Variants in DLGAP2 observed in about 807,000 individuals in gnomAD.
DLGAP2 encodes the protein DLG associated protein 2.
A neutral mutation model predicts 100.3 loss-of-function variants in DLGAP2; 26 were observed. The ratio of observed to expected loss-of-function variants is 0.26; its 90% CI spans 0.19 to 0.36. DLGAP2 has a LOEUF of 0.36. Ranked by LOEUF, DLGAP2 falls within the 10% of genes least tolerant of loss-of-function variation. The pLI is 1.00. For synonymous variants in DLGAP2, 886 were observed against 630.1 expected, an observed-to-expected ratio of 1.41 and a Z score of -6.08; for missense variants, 1,858 against 1,453.2, an observed-to-expected ratio of 1.28 and a Z score of -4.53.
chr8:832,263 G>C (rs916933695), intron 1 of DLGAP2, among the ~76,000 whole-genome samples: 2 of 152,164 alleles, frequency 1.3e-5, no homozygotes, highest in Admixed American at 1.3e-4. Context: ...ATTGCTTTTG[G>C]TGTTTTAGTC....
intron 1 of DLGAP2, among the ~76,000 whole-genome samples, chr8:899,803 A>G (rs766057229): frequency 6.6e-6 from 1 of 152,220 alleles, no homozygotes; most frequent in Admixed American, 6.5e-5. Context: ...TCTCAGGCTC[A>G]TGTGGCTGGA....
At chr8:1,633,515 A>G (rs1318759099) in intron 8 of DLGAP2, among the ~76,000 whole-genome samples, 1 of 152,200 alleles carries the variant, frequency 6.6e-6, no homozygotes, top group Non-Finnish European at 1.5e-5. Flanking sequence ...ATGCAGATGC[A>G]CTAACTATCT....
At chr8:1,364,729 A>G (rs1802070204) in intron 3 of DLGAP2, among the ~76,000 whole-genome samples, 1 of 152,204 alleles carries the variant, frequency 6.6e-6, no homozygotes, top group Admixed American at 6.5e-5. Flanking sequence ...ACAGGCCCGA[A>G]CTCAGCCAGA....
At chr8:1,573,465 G>A (rs1473804824) in intron 6 of DLGAP2, among the ~76,000 whole-genome samples, 1 of 152,024 alleles carries the variant, frequency 6.6e-6, no homozygotes, top group Non-Finnish European at 1.5e-5. Flanking sequence ...TAATGGGATT[G>A]AGAAGACAGA....
intron 7 of DLGAP2, among the ~76,000 whole-genome samples, chr8:1,630,140 G>C (rs1231886333): frequency 1.4e-5 from 2 of 147,716 alleles, no homozygotes; most frequent in Admixed American, 6.8e-5. Flanking sequence ...GAATTCTCAG[G>C]AAAAAAAAAA....
rs190521215 is a variant in DLGAP2 at position 1,079,477 on chromosome 8, C to T, written c.73+171511C>T. Among the ~76,000 whole-genome samples the T allele has an allele frequency of 1.7e-3, 257 of 152,244 alleles. 1 individual carries two copies. Among genetic ancestry groups the T allele is most frequent in the African/African-American group, 6.0e-3 (249 of 41,530 alleles). ...TCAGATTAGCAGCCTTTATTGGTTGCTTACTGAGAAACAGATGGTATCTTA... is the reference window on the plus strand; with the variant it reads ...TCAGATTAGCAGCCTTTATTGGTTGTTTACTGAGAAACAGATGGTATCTTA... On this transcript the variant is annotated intron_variant, in intron 2 of 14. Coordinates refer to ENST00000637795, the MANE Select transcript of DLGAP2 (RefSeq NM_001346810.2).
intron 2 of DLGAP2, among the ~76,000 whole-genome samples, chr8:940,839 A>G (rs1463097056): frequency 1.3e-5 from 2 of 152,216 alleles, no homozygotes; most frequent in Non-Finnish European, 2.9e-5. Flanking sequence ...CACCTCACTG[A>G]GGTCTCTGCT....
chr8:964,952 C>T (rs1014921805), intron 2 of DLGAP2, among the ~76,000 whole-genome samples: 4 of 151,970 alleles, frequency 2.6e-5, no homozygotes, highest in Non-Finnish European at 4.4e-5. Context: ...ACCGCACACA[C>T]GGCTCCTGAG....
intron 1 of DLGAP2, among the ~76,000 whole-genome samples, chr8:860,869 A>C (rs1358596783): frequency 6.6e-6 from 1 of 152,186 alleles, no homozygotes; most frequent in African/African-American, 2.4e-5. Context: ...CATGACGCCT[A>C]TGAAGAAATG....
rs865791635 is a variant in DLGAP2, at chr8:915,512, A to G, written c.73+7546A>G. Among the ~76,000 whole-genome samples the G allele has an allele frequency of 2.6e-5, 4 of 151,188 alleles. No homozygotes were observed. In the South Asian group the frequency reaches 6.3e-4, roughly 24 times the overall value. On this transcript the variant is annotated intron_variant, in intron 2 of 14. Transcript: ENST00000637795. ...CAGTGAGCCGAGATCGCACCACTGC[A>G]CTCCAGCCTGGGCGACAGAGCAAGA...
intron 1 of DLGAP2, among the ~76,000 whole-genome samples, chr8:747,046 C>G (rs541597270): frequency 1.1e-4 from 17 of 151,972 alleles, no homozygotes; most frequent in Non-Finnish European, 1.0e-4. Context: ...TTGCCCTGGG[C>G]CTGGGGTGGT....
intron 12 of DLGAP2, among the ~76,000 whole-genome samples, chr8:1,689,112 G>A (rs186018594): frequency 1.3e-5 from 2 of 152,270 alleles, no homozygotes; most frequent in African/African-American, 4.8e-5. Context: ...AGCTGTTGTG[G>A]AAGAACCTAC....
At chr8:1,163,064 A>G (rs558138883) in intron 2 of DLGAP2, among the ~76,000 whole-genome samples, 8 of 152,236 alleles carry the variant, frequency 5.3e-5, no homozygotes, top group African/African-American at 1.9e-4. Context: ...GTGAACGTGG[A>G]GTCCTCGGCT....
intron 2 of DLGAP2, among the ~76,000 whole-genome samples, chr8:1,233,730 C>T (rs573927490): frequency 1.3e-5 from 2 of 152,268 alleles, no homozygotes; most frequent in Admixed American, 6.5e-5. Flanking sequence ...TTCTGGGAAA[C>T]ACGCAGGGCT....
chr8:926,835 G>A (rs545475334), intron 2 of DLGAP2, among the ~76,000 whole-genome samples: 2 of 152,382 alleles, frequency 1.3e-5, no homozygotes, highest in East Asian at 1.9e-4. Flanking sequence ...CGGCAAGGAC[G>A]GCTGCAGTTG....
chr8:1,492,806 G>C (rs546970889), intron 3 of DLGAP2, among the ~76,000 whole-genome samples: 4 of 152,290 alleles, frequency 2.6e-5, no homozygotes, highest in Non-Finnish European at 5.9e-5. Context: ...GGCCAATAAG[G>C]AGAAGGGCTG....
intron 2 of DLGAP2, among the ~76,000 whole-genome samples, chr8:911,757 G>T (rs1485847764): frequency 4.6e-5 from 7 of 152,240 alleles, no homozygotes; most frequent in African/African-American, 1.7e-4. Context: ...GAGAATGTTG[G>T]AAGGATGCTG....
At chr8:883,204 C>A (rs1221986724) in intron 1 of DLGAP2, 1 of 152,278 alleles carries the variant, frequency 6.6e-6, no homozygotes, top group Non-Finnish European at 1.5e-5. Flanking sequence ...CACCACTGGG[C>A]AGACCTTGCT....
intron 3 of DLGAP2, among the ~76,000 whole-genome samples, chr8:1,410,070 A>T (rs1584869987): frequency 6.6e-6 from 1 of 152,284 alleles, no homozygotes; most frequent in East Asian, 1.9e-4. Context: ...AAATGGTGTC[A>T]GGTCCACAAG....
Sources: gnomAD v4.1 joint callset for allele counts (sites outside exome capture counted in the v4.1 genomes callset) on GRCh38, gnomAD v4.1.1 for gene constraint, MANE v1.5 for transcripts, NCBI Gene and HGNC (gene_info 2026-07-23, HGNC 2026-07-21) for gene names.